Variants in STPG2 observed in about 807,000 individuals in gnomAD.
STPG2 encodes sperm-tail PG-rich repeat-containing protein 2.
Under a neutral mutation model 54.2 loss-of-function variants are expected in STPG2, and 56 were observed. The observed-to-expected ratio is 1.03, with a 90% CI of 0.83 to 1.29. STPG2 has a LOEUF of 1.29. Among genes scored for constraint, STPG2 ranks in the 50% most tolerant of loss-of-function variants. STPG2 has a pLI of 0.00. For synonymous variants in STPG2, 200 were observed against 181.8 expected (o/e 1.10, Z -0.81); for missense variants, 596 against 544.9 (o/e 1.09, Z -0.93).
intron 5 of STPG2, among the ~76,000 whole-genome samples, chr4:98,090,907 T>C (rs1738665901): frequency 6.6e-6 from 1 of 151,894 alleles, no homozygotes; most frequent in Non-Finnish European, 1.5e-5. Context: ...AAGACACTTA[T>C]GCCTATATAA....
chr4:97,749,562 C>A lies in STPG2; in HGVS notation c.1205-36748G>T, dbSNP rs1262481040. Among the ~76,000 whole-genome samples the A allele has an allele frequency of 2.0e-5, 3 of 151,462 alleles. No individual in the cohort carries two copies. In the East Asian group the frequency reaches 5.8e-4, roughly 29 times the overall value. On this transcript the variant is annotated intron_variant, in intron 9 of 10. Transcript: ENST00000295268. The stretch of plus-strand genomic sequence containing the variant: ...ATTATTTTATCAATGTAAAAGTAGG[C>A]CAAAGTAAAAAAATATTTGAGTGAT...
chr4:97,748,185 C>A (rs552547904), intron 9 of STPG2, among the ~76,000 whole-genome samples: 1 of 151,276 alleles, frequency 6.6e-6, no homozygotes, highest in African/African-American at 2.4e-5. Context: ...ATTCTTATTG[C>A]GGAATCATGT....
intron 6 of STPG2, among the ~76,000 whole-genome samples, chr4:97,979,076 T>G (rs1734584350): frequency 6.6e-6 from 1 of 152,108 alleles, no homozygotes; most frequent in African/African-American, 2.4e-5. Context: ...TCTAAGAAAA[T>G]GTAACTGTGG....
chr4:98,140,905 TCAC>T (rs2110173596), intron 1 of STPG2, among the ~76,000 whole-genome samples: 1 of 152,324 alleles, frequency 6.6e-6, no homozygotes, highest in Admixed American at 6.5e-5. Flanking sequence ...GAGACATAAA[TCAC>T]CTGTATCTCT....
intron 5 of STPG2, among the ~76,000 whole-genome samples, chr4:98,032,395 C>T (rs1213677437): frequency 9.9e-5 from 15 of 152,004 alleles, no homozygotes; most frequent in Admixed American, 9.8e-4. Context: ...CACCTGTAAC[C>T]CAATAACTTA....
intron 8 of STPG2, among the ~76,000 whole-genome samples, chr4:97,852,813 T>C (rs1325885653): frequency 1.3e-5 from 2 of 151,798 alleles, no homozygotes; most frequent in Non-Finnish European, 2.9e-5. Flanking sequence ...GACATATAGA[T>C]CCCCAATAAT....
At chr4:97,456,349 G>C (rs1729518340) in intron 4 of STPG2, among the ~76,000 whole-genome samples, 3 of 151,934 alleles carry the variant, frequency 2.0e-5, no homozygotes, top group Admixed American at 6.6e-5. Flanking sequence ...AGAGCCAAGG[G>C]GGAAAGTGCC....
chr4:98,018,175 A>G (rs1736032488), intron 5 of STPG2, among the ~76,000 whole-genome samples: 1 of 144,058 alleles, frequency 6.9e-6, no homozygotes, highest in African/African-American at 2.6e-5. Flanking sequence ...CCCCATCCCC[A>G]CCCCACAACA....
chr4:97,845,422 C>T (rs1281990357), intron 8 of STPG2, among the ~76,000 whole-genome samples: 1 of 152,082 alleles, frequency 6.6e-6, no homozygotes, highest in Non-Finnish European at 1.5e-5. Context: ...TAGAATAGAT[C>T]TATCTAAATA....
chr4:97,490,527 G>A (rs1730481703), intron 4 of STPG2, among the ~76,000 whole-genome samples: 1 of 151,384 alleles, frequency 6.6e-6, no homozygotes, highest in Non-Finnish European at 1.5e-5. Context: ...CTAAGTAATT[G>A]GTTACATTAT....
At chr4:97,570,096 G>C (rs955341194) in intron 10 of STPG2, among the ~76,000 whole-genome samples, 9 of 152,066 alleles carry the variant, frequency 5.9e-5, no homozygotes, top group African/African-American at 2.2e-4. Flanking sequence ...GAAAGACAAA[G>C]CCTCTTTCAG....
rs1173952254 is a variant in STPG2 at position 97,868,336 on chromosome 4, T to C, written c.1045-27404A>G. 1.3e-4 allele frequency among the ~76,000 whole-genome samples: 20 copies of C among 151,908 alleles called. No individual in the cohort carries two copies. The Admixed American group carries it at 1.3e-3, about 10-fold the overall frequency. On this transcript the variant is annotated intron_variant, in intron 8 of 10. Transcript: ENST00000295268. ...TGAGTTCATCTTTGGCGGAGGTTCA[T>C]CTGTGGAAATCTTAGGCATCCAGGC...
chr4:97,827,938 G>A (rs570834313), intron 9 of STPG2, among the ~76,000 whole-genome samples: 6 of 152,076 alleles, frequency 3.9e-5, no homozygotes, highest in African/African-American at 1.4e-4. Flanking sequence ...AAGAGGAGAG[G>A]AATTTACCTA....
At chr4:97,658,643 G>T (rs1417290699) in intron 10 of STPG2, among the ~76,000 whole-genome samples, 1 of 152,200 alleles carries the variant, frequency 6.6e-6, no homozygotes, top group Non-Finnish European at 1.5e-5. Flanking sequence ...GAGGCCAAGA[G>T]AGACTGGGTA....
intron 8 of STPG2, among the ~76,000 whole-genome samples, chr4:97,896,085 C>T (rs964147852): frequency 1.3e-5 from 2 of 151,716 alleles, no homozygotes; most frequent in Admixed American, 6.6e-5. Flanking sequence ...GAAGGCTTTC[C>T]TCATGATAGT....
chr4:97,536,375 G>A (rs527886493), intron 4 of STPG2, among the ~76,000 whole-genome samples: 1 of 152,222 alleles, frequency 6.6e-6, no homozygotes, highest in East Asian at 1.9e-4. Context: ...TAGTGAGGGA[G>A]TTCCCAAAAG....
At chr4:97,563,824 T>A (rs764016198) in intron 10 of STPG2, among the ~76,000 whole-genome samples, 36 of 152,184 alleles carry the variant, frequency 2.4e-4, no homozygotes, top group Non-Finnish European at 5.0e-4. Context: ...TAATTTCTGA[T>A]CTTTTACATT....
intron 4 of STPG2, among the ~76,000 whole-genome samples, chr4:97,498,617 G>GA (rs905595002): frequency 5.2e-4 from 76 of 145,644 alleles, no homozygotes; most frequent in Non-Finnish European, 5.5e-4. Flanking sequence ...AAAGCAACCT[G>GA]AAAAAAAAAA....
chr4:98,073,929 T>A (rs1738081751), intron 5 of STPG2, among the ~76,000 whole-genome samples: 1 of 152,132 alleles, frequency 6.6e-6, no homozygotes, highest in South Asian at 2.1e-4. Context: ...GAGAATAATA[T>A]CAGAATCATT....
Sources: allele counts gnomAD v4.1 joint callset (sites outside exome capture counted in the v4.1 genomes callset), GRCh38; gene constraint gnomAD v4.1.1; transcripts MANE v1.5; gene names NCBI Gene and HGNC (gene_info 2026-07-23, HGNC 2026-07-21).